ERI1: variants seen among roughly 807,000 people sequenced by gnomAD.
ERI1 encodes the protein exoribonuclease 1, also known as 3'-5' exoribonuclease 1.
Under a neutral mutation model 39.7 loss-of-function variants are expected in ERI1, and 39 were observed. The observed-to-expected ratio is 0.98, with a 90% CI of 0.76 to 1.28. ERI1 has a LOEUF of 1.28. Among genes scored for constraint, ERI1 ranks in the 50% most tolerant of loss-of-function variants. The pLI is 0.00. For synonymous variants in ERI1, 204 were observed against 149.6 expected (o/e 1.36, Z -2.65); for missense variants, 581 against 416.9 (o/e 1.39, Z -3.43).
chr8:9,056,755 TACTTTTGATGTAATCAAAC>T (rs1478030087), intron 3 of ERI1, among the ~76,000 whole-genome samples: 1 of 152,224 alleles, frequency 6.6e-6, no homozygotes, highest in Non-Finnish European at 1.5e-5. Context: ...CTTCCCTGAT[TACTTTTGATGTAATCAAAC>T]ACTTTTGATT....
chr8:9,057,411 A>T (rs1798543428), intron 3 of ERI1, among the ~76,000 whole-genome samples: 1 of 152,146 alleles, frequency 6.6e-6, no homozygotes, highest in African/African-American at 2.4e-5. Context: ...CGCACTAGGG[A>T]CTGGCAACAA....
In ERI1 at chr8:9,018,385, A is replaced by G; in HGVS notation, c.671A>G (p.Lys224Arg). ...TTGAAGGAATTAGGAACAAAGTATA[A>G]ATACTCACTTTTAACAGATGGGTAA... ...MKLKELGTKY[K>R]YSLLTDGSWD... Residue 224 changes from lysine to arginine, a missense_variant, in exon 5 of 7, where the codon AAA becomes AGA. By Grantham distance (26) the Lys-to-Arg change is conservative (BLOSUM62 2). Transcript: ENST00000250263. 1 of 1,591,628 alleles carries G rather than the reference A, an allele frequency of 6.3e-7. No homozygotes were observed. The highest frequency in any genetic ancestry group is 8.6e-7 in the Non-Finnish European group (1 of 1,160,154).
At chr8:9,036,855 T>G (rs1797860880), downstream of ERI1, among the ~76,000 whole-genome samples, 3 of 152,184 alleles carry the variant, frequency 2.0e-5, no homozygotes, top group African/African-American at 7.2e-5. Context: ...CTCTGCACCT[T>G]TGAACATAGA....
In ERI1 at chr8:9,033,284, G is replaced by A. The variant is rs558553764; in HGVS notation, c.*3250G>A. 7 of 152,090 alleles carry A rather than the reference G, an allele frequency of 4.6e-5. No homozygotes were observed. The highest frequency in any genetic ancestry group is 1.0e-4 in the Non-Finnish European group (7 of 68,014). The allele number at this position is 152,090 out of a possible 1,614,324, so 9.4% of individuals were successfully genotyped here. A position where few individuals can be genotyped will look rare whatever the true frequency, so the allele number is the denominator to read the frequency against. On this transcript the variant is annotated 3_prime_UTR_variant, in exon 7 of 7. Coordinates refer to ENST00000250263, the MANE Select transcript of ERI1 (RefSeq NM_153332.4). ...TGTTAATGGCTCAAAATAATATTTTGTATAATACGAAAATTACGAAATTTT... is the reference window on the plus strand; with the variant it reads ...TGTTAATGGCTCAAAATAATATTTTATATAATACGAAAATTACGAAATTTT...
At chr8:9,060,915 T>C (rs1349734015) in intron 3 of ERI1, among the ~76,000 whole-genome samples, 1 of 152,192 alleles carries the variant, frequency 6.6e-6, no homozygotes, top group African/African-American at 2.4e-5. Context: ...TAAAGAGGCA[T>C]TAATGATGGA....
At chr8:9,033,953 A>G (rs560914012), downstream of ERI1, among the ~76,000 whole-genome samples, 2 of 152,406 alleles carry the variant, frequency 1.3e-5, no homozygotes, top group Non-Finnish European at 1.5e-5. Flanking sequence ...ATGAAACAAT[A>G]TAAAATACTG....
chr8:9,090,865 T>G (rs1232782691), intron 3 of ERI1, among the ~76,000 whole-genome samples: 1 of 152,136 alleles, frequency 6.6e-6, no homozygotes, highest in South Asian at 2.1e-4. Context: ...AGAAGAAATA[T>G]TCCAAGCTGT....
chr8:9,008,395 C>G (rs1013948118), intron 2 of ERI1, among the ~76,000 whole-genome samples: 3 of 152,246 alleles, frequency 2.0e-5, no homozygotes, highest in Admixed American at 6.5e-5. Flanking sequence ...ATAGGAGTCT[C>G]TGTCTTATTA....
At chr8:9,080,611 C>G (rs556454581) in intron 3 of ERI1, among the ~76,000 whole-genome samples, 2 of 152,198 alleles carry the variant, frequency 1.3e-5, no homozygotes, top group South Asian at 2.1e-4. Context: ...CACGTTCACC[C>G]GTTCCACCTT....
intron 3 of ERI1, among the ~76,000 whole-genome samples, chr8:9,096,268 G>A (rs953016675): frequency 6.6e-6 from 1 of 152,166 alleles, no homozygotes; most frequent in Non-Finnish European, 1.5e-5. Context: ...TCCTCTAAGG[G>A]TTTCCTGCTG....
chr8:9,067,041 C>T (rs1041761958), intron 3 of ERI1, among the ~76,000 whole-genome samples: 16 of 152,074 alleles, frequency 1.1e-4, no homozygotes, highest in African/African-American at 3.6e-4. Context: ...TTTTACACTT[C>T]TAAGCCTCAG....
chr8:9,067,923 TAC>T lies in ERI1; in HGVS notation n.299+47479_299+47480del, dbSNP rs34870760. Among the ~76,000 whole-genome samples, 1,225 of 149,328 alleles carry T rather than the reference TAC, an allele frequency of 8.2e-3. 13 individuals carry two copies. The highest frequency in any genetic ancestry group is 0.028 in the African/African-American group (1,142 of 40,814). ...TGAGCACAGAGAGTTATGCTACAAA[TAC>T]ACACACACACACACACACATATATG... is the stretch of plus-strand genomic sequence containing the variant. On this transcript the variant is annotated intron_variant and non_coding_transcript_variant, in intron 3 of 3. Coordinates refer to the ERI1 transcript ENST00000518663.
Position 9,016,355 on chromosome 8 carries a change from A to AT in ERI1, c.534dup (p.Asn179Ter). On this transcript the variant is annotated frameshift_variant, in exon 4 of 7. Coordinates refer to ENST00000250263, the MANE Select transcript of ERI1 (RefSeq NM_153332.4). LOFTEE classifies it high-confidence loss of function. Reference sequence around the variant, plus strand: ...GTTTCAGCAGTATGTAAGACCAGAGATTAACACACAGCTGTCTGATTTCTG... The same window carrying AT: ...GTTTCAGCAGTATGTAAGACCAGAGATTTAACACACAGCTGTCTGATTTCTG... 1 of 1,607,714 alleles carries AT rather than the reference A, an allele frequency of 6.2e-7. No homozygotes were observed. Among genetic ancestry groups the AT allele is most frequent in the Non-Finnish European group, 8.5e-7 (1 of 1,176,772 alleles).
At chr8:9,029,584 G>A (rs1797439435) in intron 6 of ERI1, among the ~76,000 whole-genome samples, 1 of 152,272 alleles carries the variant, frequency 6.6e-6, no homozygotes, top group East Asian at 1.9e-4. Flanking sequence ...GCCCACCTTG[G>A]CCTCCCAAAG....
Position 9,030,673 on chromosome 8 carries a change from T to G in ERI1, c.*639T>G, listed in dbSNP as rs1171248804. 3 of 152,382 alleles carry G rather than the reference T, an allele frequency of 2.0e-5. No individual in the cohort carries two copies. The highest frequency in any genetic ancestry group is 7.2e-5 in the African/African-American group (3 of 41,448). 9.4% of individuals were successfully genotyped at this position (152,382 alleles called of 1,614,324 possible). A position where few individuals can be genotyped will look rare whatever the true frequency, so the allele number is the denominator to read the frequency against. ...GAATTAATGAAAACGTAGAAGAAAG[T>G]ACTAAAAGGAATATCATAAGGGCTG... On this transcript the variant is annotated 3_prime_UTR_variant, in exon 7 of 7. Coordinates refer to ENST00000250263, the MANE Select transcript of ERI1 (RefSeq NM_153332.4).
In ERI1 at chr8:9,086,368, G is replaced by A. The variant is rs11988699; in HGVS notation, n.300-29980G>A. Among the ~76,000 whole-genome samples the A allele has an allele frequency of 4.7e-3, 722 of 152,158 alleles. 6 individuals are homozygous for A. The highest frequency in any genetic ancestry group is 0.017 in the African/African-American group (701 of 41,524). On this transcript the variant is annotated intron_variant and non_coding_transcript_variant, in intron 3 of 3. Transcript: ENST00000518663. ...AGTTTGAGACCAGCCTGGGTAATAT[G>A]GCAAAACCCCGTCTCTACAAAAAAT...
chr8:9,035,188 GATCTAGCTAAGTT>G (rs1203463194), downstream of ERI1, among the ~76,000 whole-genome samples: 2 of 152,198 alleles, frequency 1.3e-5, no homozygotes, highest in Non-Finnish European at 2.9e-5. Context: ...ATCTAGCTAA[GATCTAGCTAAGTT>G]ATCTAGCTAA....
intron 1 of ERI1, among the ~76,000 whole-genome samples, chr8:9,006,946 A>G (rs1048188053): frequency 6.6e-6 from 1 of 152,254 alleles, no homozygotes; most frequent in African/African-American, 2.4e-5. Context: ...TCCTTGATCT[A>G]TAATTACAGT....
Position 9,003,924 on chromosome 8 carries a change from G to GT in ERI1, c.108+756dup, listed in dbSNP as rs531783013. ...CTCTTGCTCCTTCCGTCCACAGTCAGTTTCCATCTGGCAGCTAGAATGAGC... is the reference window on the plus strand; with the variant it reads ...CTCTTGCTCCTTCCGTCCACAGTCAGTTTTCCATCTGGCAGCTAGAATGAGC... On this transcript the variant is annotated intron_variant, in intron 1 of 6. Coordinates refer to ENST00000250263, the MANE Select transcript of ERI1 (RefSeq NM_153332.4). 1.7e-3 allele frequency: 788 copies of GT among 453,830 alleles called. 2 individuals are homozygous for GT. Among genetic ancestry groups the GT allele is most frequent in the Non-Finnish European group, 2.4e-3 (580 of 239,530 alleles). 28.1% of individuals were successfully genotyped at this position (453,830 alleles called of 1,614,324 possible). A position where few individuals can be genotyped will look rare whatever the true frequency, so the allele number is the denominator to read the frequency against.
Sources: allele counts gnomAD v4.1 joint callset (sites outside exome capture counted in the v4.1 genomes callset), GRCh38; gene constraint gnomAD v4.1.1; transcripts MANE v1.5; gene names NCBI Gene and HGNC (gene_info 2026-07-23, HGNC 2026-07-21).